The following MAN1A2 variants were observed in gnomAD, a reference collection of about 807,000 sequenced individuals.
MAN1A2 encodes the protein mannosyl-oligosaccharide 1,2-alpha-mannosidase IB.
A neutral mutation model predicts 75.7 loss-of-function variants in MAN1A2; 26 were observed. The ratio of observed to expected loss-of-function variants is 0.34; its 90% CI spans 0.25 to 0.48. MAN1A2 has a LOEUF of 0.48. MAN1A2 is among the 20% of genes least tolerant of loss of function. The pLI is 0.99. For synonymous variants in MAN1A2, 247 were observed against 264.6 expected, an observed-to-expected ratio of 0.93 and a Z score of 0.65; for missense variants, 562 against 775.5, an observed-to-expected ratio of 0.72 and a Z score of 3.27.
intron 8 of MAN1A2, among the ~76,000 whole-genome samples, chr1:117,479,957 A>C (rs1196030063): frequency 6.6e-6 from 1 of 151,862 alleles, no homozygotes; most frequent in Admixed American, 6.6e-5. Context: ...TGCATTGCTC[A>C]GTGAGGCAAG....
chr1:117,450,691 G>C (rs999904193), intron 6 of MAN1A2, among the ~76,000 whole-genome samples: 3 of 152,204 alleles, frequency 2.0e-5, no homozygotes, highest in Non-Finnish European at 4.4e-5. Context: ...AGCCTCTCTA[G>C]CTGTGGCTGA....
chr1:117,420,513 T>G, intron 4 of MAN1A2, 56 bp from the exon 5 acceptor site: 1 of 1,263,880 alleles, frequency 7.9e-7, no homozygotes, highest in African/African-American at 1.5e-5. Context: ...TTGATAATAT[T>G]TTGAAAACTA....
intron 6 of MAN1A2, among the ~76,000 whole-genome samples, chr1:117,458,524 T>TATATATATAGA (rs373076182): frequency 1.4e-5 from 1 of 71,706 alleles, no homozygotes; most frequent in African/African-American, 5.3e-5. Context: ...TATATATATA[T>TATATATATAGA]TTTTTTTTTT....
At chr1:117,509,816 CA>C (rs3835644) in intron 12 of MAN1A2, among the ~76,000 whole-genome samples, 93,484 of 148,344 alleles carry the variant, frequency 0.63, 29,208 homozygotes, top group South Asian at 0.74. Context: ...GAAGAAATGA[CA>C]AAAAAAAAAA....
rs185639645 is a variant in MAN1A2 at position 117,432,079 on chromosome 1, A to G, written c.856-10152A>G. Among the ~76,000 whole-genome samples, 7 of 152,366 alleles carry G rather than the reference A, an allele frequency of 4.6e-5. No individual in the cohort carries two copies. In the East Asian group the frequency reaches 1.2e-3, roughly 25 times the overall value. ...GTTTCTAAATAAATAGACATCAAGT[A>G]AGCAATTACAAAGGAAATTGAAAAT... On this transcript the variant is annotated intron_variant, in intron 5 of 12. Transcript: ENST00000356554.
At position 117,524,108 on chromosome 1, in the gene MAN1A2, T is replaced by C. The variant is rs1651943778; in HGVS notation, c.*1151T>C. ...AGTTGTTCACAGATATTTTATGTTT[T>C]TTTAATTTTCTCCAAGAATATTTAT... is the stretch of plus-strand genomic sequence containing the variant. On this transcript the variant is annotated 3_prime_UTR_variant, in exon 13 of 13. Coordinates refer to ENST00000356554, the MANE Select transcript of MAN1A2 (RefSeq NM_006699.5). The C allele has an allele frequency of 6.6e-6, 1 of 152,236 alleles. No individual in the cohort carries two copies. The allele number at this position is 152,236 out of a possible 1,614,324, so 9.4% of individuals were successfully genotyped here.
chr1:117,382,622 G>A (rs549677419), intron 1 of MAN1A2, among the ~76,000 whole-genome samples: 8 of 152,056 alleles, frequency 5.3e-5, no homozygotes, highest in Admixed American at 2.0e-4. Flanking sequence ...GCATGATGCC[G>A]CCAGCTTTGT....
intron 5 of MAN1A2, among the ~76,000 whole-genome samples, chr1:117,435,930 T>A (rs1648832482): frequency 6.6e-6 from 1 of 152,044 alleles, no homozygotes; most frequent in African/African-American, 2.4e-5. Context: ...TGGTGGCAGA[T>A]GCCTGTAATC....
At chr1:117,429,666 C>G (rs1557946547) in intron 5 of MAN1A2, among the ~76,000 whole-genome samples, 2 of 104,558 alleles carry the variant, frequency 1.9e-5, no homozygotes, top group Admixed American at 8.6e-5. Context: ...CGGGCAGAGG[C>G]GCCCCTCACC....
chr1:117,412,514 AT>A (rs1360241342), intron 3 of MAN1A2, among the ~76,000 whole-genome samples: 5 of 151,248 alleles, frequency 3.3e-5, no homozygotes, highest in Middle Eastern at 3.4e-3. Context: ...TCATTCTTCT[AT>A]TATTTTGCTC....
intron 3 of MAN1A2, among the ~76,000 whole-genome samples, chr1:117,409,117 G>A (rs148322212): frequency 6.6e-6 from 1 of 151,946 alleles, no homozygotes; most frequent in East Asian, 1.9e-4. Flanking sequence ...TTTTCTTTGT[G>A]TTTTCATTTC....
At chr1:117,403,426 AT>A (rs1309118100) in intron 2 of MAN1A2, among the ~76,000 whole-genome samples, 1 of 151,958 alleles carries the variant, frequency 6.6e-6, no homozygotes, top group Non-Finnish European at 1.5e-5. Flanking sequence ...ACAGTGATAG[AT>A]TTTTTTTCAG....
chr1:117,425,405 A>G (rs1349990196), intron 5 of MAN1A2, among the ~76,000 whole-genome samples: 1 of 152,242 alleles, frequency 6.6e-6, no homozygotes. Context: ...AAGTAAAACT[A>G]TAGATCAGTA....
At chr1:117,400,227 A>G (rs1394985037) in intron 1 of MAN1A2, among the ~76,000 whole-genome samples, 1 of 151,738 alleles carries the variant, frequency 6.6e-6, no homozygotes, top group African/African-American at 2.4e-5. Flanking sequence ...CTCCCTGCTG[A>G]ATGACCTTTT....
At chr1:117,443,127 A>G (rs1472041596) in intron 6 of MAN1A2, among the ~76,000 whole-genome samples, 2 of 152,130 alleles carry the variant, frequency 1.3e-5, no homozygotes. Context: ...TTCTCTTTGC[A>G]CTCAGACCCT....
chr1:117,368,955 G>T (rs1256047606), intron 1 of MAN1A2, among the ~76,000 whole-genome samples: 1 of 152,144 alleles, frequency 6.6e-6, no homozygotes, highest in Non-Finnish European at 1.5e-5. Context: ...TGTAGTTGAA[G>T]CTTAGTAGTG....
chr1:117,505,317 G>T (rs1651323501), intron 12 of MAN1A2, among the ~76,000 whole-genome samples: 1 of 151,200 alleles, frequency 6.6e-6, no homozygotes, highest in Non-Finnish European at 1.5e-5. Flanking sequence ...TTTAGTACAT[G>T]CATGGCATAG....
intron 10 of MAN1A2, among the ~76,000 whole-genome samples, 165 bp from the exon 11 acceptor site, chr1:117,499,195 AGTCTATTTTAAGAAAACCAAAT>A (rs879115721): frequency 6.6e-6 from 1 of 151,992 alleles, no homozygotes; most frequent in South Asian, 2.1e-4. Flanking sequence ...AATGTTTATA[AGTCTATTTTAAGAAAACCAAAT>A]GTGGATCTTT....
chr1:117,480,234 A>G (rs1173122186), intron 8 of MAN1A2, among the ~76,000 whole-genome samples: 1 of 151,878 alleles, frequency 6.6e-6, no homozygotes, highest in Non-Finnish European at 1.5e-5. Flanking sequence ...ATACTATCCT[A>G]TAAACTGTAG....
Sources: allele counts gnomAD v4.1 joint callset (sites outside exome capture counted in the v4.1 genomes callset), GRCh38; gene constraint gnomAD v4.1.1; transcripts MANE v1.5; gene names NCBI Gene and HGNC (gene_info 2026-07-23, HGNC 2026-07-21).